The following L2HGDH variants were observed in gnomAD, a reference collection of about 807,000 sequenced individuals.
The protein encoded by L2HGDH is L-2-hydroxyglutarate dehydrogenase, mitochondrial.
A neutral mutation model predicts 51.5 loss-of-function variants in L2HGDH; 34 were observed. The observed-to-expected ratio is 0.66, with a 90% confidence interval of 0.50 to 0.88. The LOEUF is 0.88. Ranked by LOEUF, L2HGDH falls within the 40% of genes least tolerant of loss-of-function variation. L2HGDH has a pLI of 0.00. For synonymous variants in L2HGDH, 198 were observed against 197.9 expected (o/e 1.00, Z -0.01); for missense variants, 558 against 571.9 (o/e 0.98, Z 0.25).
At chr14:50,258,997 A>C (rs962071032) in intron 9 of L2HGDH, among the ~76,000 whole-genome samples, 4 of 139,678 alleles carry the variant, frequency 2.9e-5, no homozygotes, top group African/African-American at 1.1e-4. Context: ...TATGCGCACC[A>C]CCACGCCAGG....
At chr14:50,277,590 A>G (rs986648869) in intron 6 of L2HGDH, among the ~76,000 whole-genome samples, 4 of 151,814 alleles carry the variant, frequency 2.6e-5, no homozygotes, top group South Asian at 4.2e-4. Context: ...CCTGGTTAAC[A>G]TGGTGAAACC....
Position 50,302,000 on chromosome 14 carries a change from C to T in L2HGDH, c.408+17G>A. On this transcript the variant is annotated intron_variant, in intron 3 of 9. Coordinates refer to ENST00000267436, the MANE Select transcript of L2HGDH (RefSeq NM_024884.3). ...TGCTAGTTGGAAATTAGTCAAGGCTCTAATAAAATGCCATACCTTGCCACA... is the reference window on the plus strand; with the variant it reads ...TGCTAGTTGGAAATTAGTCAAGGCTTTAATAAAATGCCATACCTTGCCACA... 1 of 1,613,688 alleles carries T rather than the reference C, an allele frequency of 6.2e-7. No individual in the cohort carries two copies. Among genetic ancestry groups the T allele is most frequent in the Non-Finnish European group, 8.5e-7 (1 of 1,179,678 alleles).
intron 9 of L2HGDH, among the ~76,000 whole-genome samples, chr14:50,263,904 T>A (rs928256799): frequency 2.7e-5 from 4 of 150,728 alleles, no homozygotes; most frequent in African/African-American, 9.7e-5. Flanking sequence ...GCCTCCCAAA[T>A]AGCTGGGATT....
chr14:50,269,916 A>C (rs1302607984), intron 6 of L2HGDH, among the ~76,000 whole-genome samples: 1 of 152,240 alleles, frequency 6.6e-6, no homozygotes, highest in Non-Finnish European at 1.5e-5. Flanking sequence ...TATCCATAAC[A>C]TCTCTGGCAC....
rs990866214 is a variant in L2HGDH at position 50,244,189 on chromosome 14, T to C, written c.*2869A>G. 3 of 154,478 alleles carry C rather than the reference T, an allele frequency of 1.9e-5. No individual in the cohort carries two copies. The highest frequency in any genetic ancestry group is 7.5e-5 in the African/African-American group (3 of 39,896). The allele number at this position is 154,478 out of a possible 1,614,324, so 9.6% of individuals were successfully genotyped here. A position where few individuals can be genotyped will look rare whatever the true frequency, so the allele number is the denominator to read the frequency against. ...GCAGCATGATTTATAGTCCCTTGGG[T>C]ATATACCCAGTAATGGGATGGCTGG... On this transcript the variant is annotated 3_prime_UTR_variant, in exon 10 of 10. Transcript: ENST00000267436.
chr14:50,255,133 C>T (rs919620931), intron 9 of L2HGDH, among the ~76,000 whole-genome samples: 3 of 151,938 alleles, frequency 2.0e-5, no homozygotes, highest in Admixed American at 1.3e-4. Context: ...TTTAAAGTAC[C>T]AAATTTTTCA....
intron 5 of L2HGDH, among the ~76,000 whole-genome samples, chr14:50,279,569 G>T (rs1890147177): frequency 1.3e-5 from 2 of 152,106 alleles, no homozygotes; most frequent in Non-Finnish European, 2.9e-5. Context: ...GCCAAGCACA[G>T]TGGCTCATGC....
chr14:50,270,474 C>T (rs992751503), intron 6 of L2HGDH, among the ~76,000 whole-genome samples: 1 of 148,294 alleles, frequency 6.7e-6, no homozygotes, highest in East Asian at 2.0e-4. Context: ...CATTTTCTTT[C>T]TTTCCAGGCC....
At chr14:50,290,231 C>A (rs1186953356) in intron 4 of L2HGDH, among the ~76,000 whole-genome samples, 2 of 151,988 alleles carry the variant, frequency 1.3e-5, no homozygotes, top group East Asian at 1.9e-4. Context: ...CACGCCACTG[C>A]ACTCCAGCCT....
intron 1 of L2HGDH, among the ~76,000 whole-genome samples, chr14:50,304,871 T>A (rs921991447): frequency 1.3e-5 from 2 of 152,184 alleles, no homozygotes; most frequent in Non-Finnish European, 2.9e-5. Context: ...ATAATTTATA[T>A]AAATCTGCAA....
At chr14:50,267,135 T>G (rs1404784803) in intron 8 of L2HGDH, among the ~76,000 whole-genome samples, 1 of 150,130 alleles carries the variant, frequency 6.7e-6, no homozygotes, top group Non-Finnish European at 1.5e-5. Flanking sequence ...TGGCCTTATC[T>G]TCTTTTTATT....
At chr14:50,271,039 C>T (rs146395581) in intron 6 of L2HGDH, among the ~76,000 whole-genome samples, 1 of 152,170 alleles carries the variant, frequency 6.6e-6, no homozygotes, top group African/African-American at 2.4e-5. Context: ...ATTACCCAGG[C>T]TGGAGTGCGA....
At position 50,283,983 on chromosome 14, in the gene L2HGDH, C is replaced by T. The variant is rs1890422981; in HGVS notation, c.591G>A (p.Gln197=). The part of the protein sequence containing the change: ...CPHTGIVDYR[Q]VALSFAQDFQ... ...AATCCTGGGCAAATGACAAAGCCAC[C>T]TGCCGATAGTCCACAATGCCAGTAT... The change falls in exon 5 of 10, where the codon CAG becomes CAA. Residue 197 remains glutamine (Q), a synonymous_variant. Coordinates refer to ENST00000267436, the MANE Select transcript of L2HGDH (RefSeq NM_024884.3). The T allele has an allele frequency of 1.2e-6, 2 of 1,614,132 alleles. No homozygotes were observed. Among genetic ancestry groups the T allele is most frequent in the East Asian group, 4.5e-5 (2 of 44,878 alleles).
intron 2 of L2HGDH, among the ~76,000 whole-genome samples, chr14:50,302,619 T>G (rs1191202535): frequency 6.6e-6 from 1 of 152,208 alleles, no homozygotes. Context: ...ACAATCTTGA[T>G]GTGTTCTCAT....
rs778003767 is a variant in L2HGDH, at chr14:50,245,087, G to C, written c.*1971C>G. Reference sequence around the variant, plus strand: ...GGCATCAACTTAAAATACTCATGAGGTGAATGTAAGGCACTTTCGCGGTTT... The same window carrying C: ...GGCATCAACTTAAAATACTCATGAGCTGAATGTAAGGCACTTTCGCGGTTT... On this transcript the variant is annotated 3_prime_UTR_variant, in exon 10 of 10. Transcript: ENST00000267436. 2.0e-6 allele frequency: 2 copies of C among 985,644 alleles called. No individual in the cohort carries two copies. The highest frequency in any genetic ancestry group is 3.5e-5 in the African/African-American group (2 of 57,212). The allele number at this position is 985,644 out of a possible 1,614,324, so 61.1% of individuals were successfully genotyped here.
chr14:50,245,831 G>A lies in L2HGDH; in HGVS notation c.*1227C>T, dbSNP rs879299972. 18 of 985,214 alleles carry A rather than the reference G, an allele frequency of 1.8e-5. No homozygotes were observed. Among genetic ancestry groups the A allele is most frequent in the Non-Finnish European group, 2.0e-5 (17 of 829,884 alleles). 61.0% of individuals were successfully genotyped at this position (985,214 alleles called of 1,614,324 possible). Reference sequence around the variant, plus strand: ...TAAGGACAGGTCATTAACAAAGTCAGGGATTCAGGGCTGAGCATGATGGCT... The same window carrying A: ...TAAGGACAGGTCATTAACAAAGTCAAGGATTCAGGGCTGAGCATGATGGCT... On this transcript the variant is annotated 3_prime_UTR_variant, in exon 10 of 10. Coordinates refer to ENST00000267436, the MANE Select transcript of L2HGDH (RefSeq NM_024884.3).
At chr14:50,265,567 CTTTT>C in intron 8 of L2HGDH, 78 bp from the exon 9 acceptor site, 1 of 1,267,794 alleles carries the variant, frequency 7.9e-7, no homozygotes, top group Non-Finnish European at 1.1e-6. Flanking sequence ...TTATTAGATT[CTTTT>C]TTTATGTCAT....
At chr14:50,261,268 C>T (rs1449216225) in intron 9 of L2HGDH, among the ~76,000 whole-genome samples, 1 of 152,142 alleles carries the variant, frequency 6.6e-6, no homozygotes, top group East Asian at 1.9e-4. Context: ...AGTTTTGCAC[C>T]TTTGTGTTTC....
At chr14:50,283,203 G>A (rs1222781099) in intron 5 of L2HGDH, among the ~76,000 whole-genome samples, 2 of 140,780 alleles carry the variant, frequency 1.4e-5, no homozygotes, top group South Asian at 2.1e-4. Context: ...CCTGCCCCAA[G>A]GGGAAAAAAA....
Sources: gnomAD v4.1 joint callset for allele counts (sites outside exome capture counted in the v4.1 genomes callset) on GRCh38, gnomAD v4.1.1 for gene constraint, MANE v1.5 for transcripts, NCBI Gene and HGNC (gene_info 2026-07-23, HGNC 2026-07-21) for gene names.